The following CCDC92 variants were observed in gnomAD, a reference collection of about 807,000 sequenced individuals.
CCDC92 encodes coiled-coil domain-containing protein 92.
CCDC92 carries 12 observed loss-of-function variants against 24.9 expected under a neutral mutation model. That is an observed-to-expected ratio of 0.48 (90% confidence interval 0.31 to 0.78). The LOEUF (loss-of-function observed/expected upper bound fraction) is 0.78. CCDC92 is among the 30% of genes least tolerant of loss of function. CCDC92 has a pLI of 0.05. For missense variants in CCDC92, 399 were observed against 439.4 expected (o/e 0.91, Z 0.82); for synonymous variants, 193 against 196.3 (o/e 0.98, Z 0.14).
intron 1 of CCDC92, chr12:123,966,466 C>T (rs1269202883): frequency 6.6e-6 from 1 of 152,184 alleles, no homozygotes; most frequent in Non-Finnish European, 1.5e-5. Flanking sequence ...AAGTCTTGCA[C>T]ACTGATGGAA....
At chr12:123,957,682 ATTCT>A (rs1248608174) in intron 1 of CCDC92, among the ~76,000 whole-genome samples, 1 of 147,140 alleles carries the variant, frequency 6.8e-6, no homozygotes, top group Non-Finnish European at 1.5e-5. Flanking sequence ...TGATCACTTA[ATTCT>A]TTTTTTTTCC....
In CCDC92 at chr12:123,936,623, A is replaced by G. The variant is rs991809570; in HGVS notation, c.*435T>C. ...GTCTCCAGGAGGAGCTCGGGAGGTG[A>G]CAAGGGTCTCCAGGAGGGAGCAGGG... On this transcript the variant is annotated 3_prime_UTR_variant, in exon 5 of 5. Coordinates refer to ENST00000238156, the MANE Select transcript of CCDC92 (RefSeq NM_025140.3). 2 of 190,482 alleles carry G rather than the reference A, an allele frequency of 1.0e-5. No individual in the cohort carries two copies. The highest frequency in any genetic ancestry group is 2.2e-5 in the Non-Finnish European group (2 of 91,730). 11.8% of individuals were successfully genotyped at this position (190,482 alleles called of 1,614,324 possible).
chr12:123,944,213 T>C, intron 2 of CCDC92, 59 bp downstream of exon 2: 4 of 1,098,094 alleles, frequency 3.6e-6, no homozygotes, highest in Non-Finnish European at 5.6e-6. Flanking sequence ...CCCCAATGCT[T>C]GGCCCCTCCC....
chr12:123,963,710 C>T (rs1956327372), intron 1 of CCDC92, among the ~76,000 whole-genome samples: 1 of 152,118 alleles, frequency 6.6e-6, no homozygotes, highest in South Asian at 2.1e-4. Context: ...ATAGGGACTC[C>T]AGTGTTATGG....
chr12:123,943,584 C>T (rs758639817), intron 2 of CCDC92, 91 bp from the exon 3 acceptor site: 51 of 1,419,742 alleles, frequency 3.6e-5, no homozygotes, highest in Non-Finnish European at 4.9e-5. Flanking sequence ...GGGTGTGCGC[C>T]TCCCAGGAGA....
intron 1 of CCDC92, chr12:123,968,513 T>G (rs776923799): frequency 2.0e-5 from 3 of 152,240 alleles, no homozygotes; most frequent in Non-Finnish European, 4.4e-5. Context: ...ATAAACACTT[T>G]TAAAGTTTTA....
chr12:123,937,487 G>A lies in CCDC92; in HGVS notation c.567C>T (p.Tyr189=). 1.2e-6 allele frequency: 2 copies of A among 1,612,974 alleles called. No homozygotes were observed. The highest frequency in any genetic ancestry group is 1.7e-6 in the Non-Finnish European group (2 of 1,180,002). Residue 189 remains tyrosine, a synonymous_variant, in exon 5 of 5, where the codon TAC becomes TAT. Coordinates refer to ENST00000238156, the MANE Select transcript of CCDC92 (RefSeq NM_025140.3). This position sits in a 1 kb window ranked among gnomAD's most constrained non-coding sequence, Gnocchi z 8.4. ...SPSGSPVLAS[Y]KPAPPKDKLP... ...GCTTGTCTTTGGGGGGCGCTGGCTT[G>A]TAGCTGGCCAGCACGGGGCTCCCTG...
In CCDC92 at chr12:123,937,314, A is replaced by C; in HGVS notation, c.740T>G (p.Leu247Arg). 1 of 1,613,686 alleles carries C rather than the reference A, an allele frequency of 6.2e-7. No homozygotes were observed. Among genetic ancestry groups the C allele is most frequent in the Non-Finnish European group, 8.5e-7 (1 of 1,180,012 alleles). The change falls in exon 5 of 5, where the codon CTG (leucine) becomes CGG (arginine). Residue 247 changes from leucine to arginine, a missense_variant. Leu to Arg is a moderately radical substitution (Grantham distance 102, BLOSUM62 -2). Transcript: ENST00000238156. The surrounding 1 kb of genome is among the most constrained non-coding windows in gnomAD (Gnocchi z 8.4). ...GACCTCGGCGGACTCCCTAGCCAGC[A>C]GAAATGGGGTGGGGTCGGGCATAGC... ...VDAMPDPTPF[L>R]LARESAEVHL... is the part of the protein sequence containing the mutation.
chr12:123,938,366 G>C (rs1011134704), intron 4 of CCDC92, among the ~76,000 whole-genome samples: 2 of 151,568 alleles, frequency 1.3e-5, no homozygotes, highest in South Asian at 2.1e-4. Flanking sequence ...CACACACACA[G>C]ACTCTTTCCC....
At chr12:123,967,361 A>G (rs1956418149) in intron 1 of CCDC92, among the ~76,000 whole-genome samples, 1 of 152,246 alleles carries the variant, frequency 6.6e-6, no homozygotes. Context: ...CTATGGGAAC[A>G]CAAAACTGAG....
chr12:123,965,562 T>TC (rs1424619585), intron 1 of CCDC92, among the ~76,000 whole-genome samples: 1 of 152,022 alleles, frequency 6.6e-6, no homozygotes, highest in African/African-American at 2.4e-5. Flanking sequence ...GAAATATACT[T>TC]CCTTTGGTGA....
intron 4 of CCDC92, among the ~76,000 whole-genome samples, chr12:123,939,473 C>T (rs554596375): frequency 2.0e-5 from 3 of 150,168 alleles, no homozygotes; most frequent in Non-Finnish European, 4.4e-5. Flanking sequence ...GTTGAAAATA[C>T]CGTAAGTCAA....
At chr12:123,944,945 T>G (rs1011221058) in intron 1 of CCDC92, 2 of 151,946 alleles carry the variant, frequency 1.3e-5, no homozygotes, top group Non-Finnish European at 2.9e-5. Flanking sequence ...TGGGCAGAGC[T>G]GATCAGAAGC....
intron 1 of CCDC92, among the ~76,000 whole-genome samples, chr12:123,957,948 C>T (rs942986359): frequency 9.2e-5 from 14 of 152,100 alleles, no homozygotes; most frequent in Admixed American, 6.5e-5. Flanking sequence ...ATCTGCCCAC[C>T]TCGGCCTCTG....
chr12:123,967,651 T>A (rs1389319265), intron 1 of CCDC92, among the ~76,000 whole-genome samples: 1 of 152,260 alleles, frequency 6.6e-6, no homozygotes, highest in African/African-American at 2.4e-5. Context: ...GAGATGGAAC[T>A]TTCTCTTGGG....
In CCDC92 at chr12:123,935,642, C is replaced by G; in HGVS notation, c.*1416G>C. On this transcript the variant is annotated 3_prime_UTR_variant, in exon 5 of 5. Transcript: ENST00000238156. ...TTAAATCTCTTTCCATACAAATTAACCTGAATGGTTTTGTTTTTAATACTA... is the reference window on the plus strand; with the variant it reads ...TTAAATCTCTTTCCATACAAATTAAGCTGAATGGTTTTGTTTTTAATACTA... 1 of 725,400 alleles carries G rather than the reference C, an allele frequency of 1.4e-6. No homozygotes were observed. Among genetic ancestry groups the G allele is most frequent in the Non-Finnish European group, 2.1e-6 (1 of 476,536 alleles). 44.9% of individuals were successfully genotyped at this position (725,400 alleles called of 1,614,324 possible).
rs1178079646 is a variant in CCDC92, at chr12:123,937,887, T to G, written c.224-57A>C. On this transcript the variant is annotated intron_variant, in intron 4 of 4. Transcript: ENST00000238156. The surrounding 1 kb of genome is among the most constrained non-coding windows in gnomAD (Gnocchi z 8.4). ...AACTCATTAGACTGAGGCCGAGTGG[T>G]GAGGCCTATGGGGCAGGCGGACCTG... 5.2e-6 allele frequency: 8 copies of G among 1,523,852 alleles called. No homozygotes were observed. Among genetic ancestry groups the G allele is most frequent in the South Asian group, 1.2e-5 (1 of 80,148 alleles). 94.4% of individuals were successfully genotyped at this position (1,523,852 alleles called of 1,614,324 possible). A position where few individuals can be genotyped will look rare whatever the true frequency, so the allele number is the denominator to read the frequency against.
intron 1 of CCDC92, among the ~76,000 whole-genome samples, chr12:123,969,446 A>G (rs1459382776): frequency 6.8e-6 from 1 of 146,190 alleles, no homozygotes; most frequent in Non-Finnish European, 1.5e-5. Context: ...CATCTCTTAT[A>G]TCATCTCTTA....
At position 123,953,547 on chromosome 12, in the gene CCDC92, G is replaced by C. The variant is rs184268906; in HGVS notation, c.-59-9183C>G. Among the ~76,000 whole-genome samples the C allele has an allele frequency of 1.1e-4, 17 of 152,338 alleles. No individual in the cohort carries two copies. In the East Asian group the frequency reaches 3.1e-3, roughly 28 times the overall value. On this transcript the variant is annotated intron_variant, in intron 1 of 4. Transcript: ENST00000238156. Reference sequence around the variant, plus strand: ...TAATCCCAGCACTTTGGGAGGCCAAGGCTGGTAGATCACGAGGTCAGGAGA... The same window carrying C: ...TAATCCCAGCACTTTGGGAGGCCAACGCTGGTAGATCACGAGGTCAGGAGA...
Sources: allele counts gnomAD v4.1 joint callset (sites outside exome capture counted in the v4.1 genomes callset), GRCh38; gene constraint gnomAD v4.1.1; non-coding constraint Gnocchi (gnomAD v3.1); transcripts MANE v1.5; gene names NCBI Gene and HGNC (gene_info 2026-07-23, HGNC 2026-07-21).